Variants in RAPGEF4 observed in about 807,000 individuals in gnomAD.
The protein encoded by RAPGEF4 is RAP guanine-nucleotide-exchange factor (GEF) 4.
A neutral mutation model predicts 147.9 loss-of-function variants in RAPGEF4; 66 were observed. The observed-to-expected ratio is 0.45, with a 90% CI of 0.37 to 0.55. The LOEUF (loss-of-function observed/expected upper bound fraction) is 0.55, where lower values mean the gene tolerates loss of function less well. RAPGEF4 is among the 20% of genes least tolerant of loss of function. The pLI is 0.00. For synonymous variants in RAPGEF4, 419 were observed against 442.7 expected (o/e 0.95, Z 0.67); for missense variants, 1,071 against 1,257.3 (o/e 0.85, Z 2.24).
intron 8 of RAPGEF4, among the ~76,000 whole-genome samples, chr2:172,964,980 A>G (rs554213591): frequency 1.3e-5 from 2 of 152,362 alleles, no homozygotes; most frequent in South Asian, 4.1e-4. Context: ...AGAAGTGCTA[A>G]TGCTCATTAC....
chr2:172,822,282 A>C (rs1689152162), intron 4 of RAPGEF4, among the ~76,000 whole-genome samples: 1 of 152,210 alleles, frequency 6.6e-6, no homozygotes, highest in African/African-American at 2.4e-5. Flanking sequence ...AGGCAGAGTA[A>C]CATTTATCAC....
chr2:172,889,515 C>G (rs1448162489), intron 4 of RAPGEF4, among the ~76,000 whole-genome samples: 1 of 152,036 alleles, frequency 6.6e-6, no homozygotes, highest in Non-Finnish European at 1.5e-5. Context: ...TAACAAATGC[C>G]TCTTCTCCCA....
chr2:172,898,618 G>A (rs1368958235), intron 4 of RAPGEF4, among the ~76,000 whole-genome samples: 1 of 152,174 alleles, frequency 6.6e-6, no homozygotes, highest in Admixed American at 6.5e-5. Context: ...ACTTGCACCT[G>A]GAGGAGGGTA....
At chr2:172,875,384 T>G (rs1695788239) in intron 4 of RAPGEF4, among the ~76,000 whole-genome samples, 1 of 152,182 alleles carries the variant, frequency 6.6e-6, no homozygotes, top group South Asian at 2.1e-4. Context: ...GTTTTAGGTC[T>G]AACATTTAAG....
At chr2:173,027,595 A>G (rs1696786452) in intron 25 of RAPGEF4, among the ~76,000 whole-genome samples, 1 of 152,212 alleles carries the variant, frequency 6.6e-6, no homozygotes, top group Admixed American at 6.5e-5. Context: ...GTTCAGTTGA[A>G]AAGATCTTGA....
chr2:173,051,585 T>C, intron 30 of RAPGEF4, 55 bp from the exon 31 acceptor site: 1 of 1,533,998 alleles, frequency 6.5e-7, no homozygotes, highest in Non-Finnish European at 8.9e-7. Context: ...AGTAAGATTG[T>C]ATCTTATATA....
At chr2:172,813,719 T>G (rs1688236935) in intron 3 of RAPGEF4, among the ~76,000 whole-genome samples, 1 of 152,128 alleles carries the variant, frequency 6.6e-6, no homozygotes, top group South Asian at 2.1e-4. Flanking sequence ...TCGATAGATT[T>G]CTCCTCTTTT....
Position 172,996,462 on chromosome 2 carries a change from C to T in RAPGEF4, c.1491-4C>T. The stretch of plus-strand genomic sequence containing the variant: ...AATTAATGGCATTTTTGTTTCTTAT[C>T]CAGGTATACTGTGATGTCAGGAACA... On this transcript the variant is annotated splice_polypyrimidine_tract_variant and splice_region_variant and intron_variant, in intron 15 of 30. Transcript: ENST00000397081. The T allele has an allele frequency of 2.0e-6, 3 of 1,514,750 alleles. No homozygotes were observed. The highest frequency in any genetic ancestry group is 1.5e-5 in the African/African-American group (1 of 68,928). 93.8% of individuals were successfully genotyped at this position (1,514,750 alleles called of 1,614,324 possible).
intron 6 of RAPGEF4, among the ~76,000 whole-genome samples, chr2:172,941,909 A>G (rs1156449368): frequency 6.6e-6 from 1 of 152,258 alleles, no homozygotes; most frequent in African/African-American, 2.4e-5. Context: ...CCTGAAACAT[A>G]GTATGCTCTC....
intron 4 of RAPGEF4, among the ~76,000 whole-genome samples, chr2:172,831,283 T>TTTTTTTTTTTTTTTTTA (rs1690301603): frequency 7.1e-6 from 1 of 141,658 alleles, no homozygotes; most frequent in African/African-American, 2.6e-5. Flanking sequence ...TTTTTTTTTT[T>TTTTTTTTTTTTTTTTTA]TTGAGACAGA....
chr2:172,846,849 T>C (rs1247484697), intron 4 of RAPGEF4, among the ~76,000 whole-genome samples: 1 of 152,178 alleles, frequency 6.6e-6, no homozygotes, highest in Non-Finnish European at 1.5e-5. Flanking sequence ...CCCCTGACTA[T>C]GCCCCTCCAC....
intron 4 of RAPGEF4, among the ~76,000 whole-genome samples, chr2:172,852,200 T>G (rs1217759204): frequency 6.6e-6 from 1 of 152,180 alleles, no homozygotes; most frequent in Non-Finnish European, 1.5e-5. Flanking sequence ...ATTTTAGGAA[T>G]GTCAGTGAGG....
intron 3 of RAPGEF4, among the ~76,000 whole-genome samples, chr2:172,806,637 A>T (rs760861853): frequency 1.3e-5 from 2 of 152,230 alleles, no homozygotes; most frequent in Non-Finnish European, 2.9e-5. Context: ...CAGGAAATGT[A>T]CTTGGGATTT....
chr2:172,770,744 G>T (rs919191772), intron 1 of RAPGEF4, among the ~76,000 whole-genome samples: 1 of 152,134 alleles, frequency 6.6e-6, no homozygotes, highest in African/African-American at 2.4e-5. Flanking sequence ...TTCCCTGGTT[G>T]GTTCCTGAAC....
At chr2:172,794,147 G>GT (rs773050983) in intron 1 of RAPGEF4, among the ~76,000 whole-genome samples, 3 of 151,968 alleles carry the variant, frequency 2.0e-5, no homozygotes, top group East Asian at 3.9e-4. Flanking sequence ...GGAGGCTGAG[G>GT]TGGGTGGATC....
chr2:172,873,480 C>G (rs918316790), intron 4 of RAPGEF4, among the ~76,000 whole-genome samples: 5 of 152,154 alleles, frequency 3.3e-5, no homozygotes, highest in Non-Finnish European at 2.9e-5. Flanking sequence ...GTCTTTCCTC[C>G]TTGGTCCTTC....
At chr2:173,036,538 T>C in intron 28 of RAPGEF4, 90 bp from the exon 29 acceptor site, 1 of 1,014,934 alleles carries the variant, frequency 9.9e-7, no homozygotes, top group African/African-American at 1.6e-5. Context: ...GTTATGCAAA[T>C]CTGCCAGCAT....
intron 4 of RAPGEF4, among the ~76,000 whole-genome samples, chr2:172,879,810 G>A (rs1696394214): frequency 6.6e-6 from 1 of 152,026 alleles, no homozygotes; most frequent in Admixed American, 6.6e-5. Context: ...TCCAAAAAAT[G>A]GATTACTTGT....
intron 4 of RAPGEF4, among the ~76,000 whole-genome samples, chr2:172,829,298 GC>G (rs994968182): frequency 3.3e-5 from 5 of 152,216 alleles, no homozygotes; most frequent in African/African-American, 1.2e-4. Flanking sequence ...TGGCTGTCAG[GC>G]CGGGGTTCTT....
Sources: gnomAD v4.1 joint callset for allele counts (sites outside exome capture counted in the v4.1 genomes callset) on GRCh38, gnomAD v4.1.1 for gene constraint, MANE v1.5 for transcripts, NCBI Gene and HGNC (gene_info 2026-07-23, HGNC 2026-07-21) for gene names.